The following RBFOX1 variants were observed in gnomAD, a reference collection of about 807,000 sequenced individuals.
RBFOX1 encodes RNA binding protein fox-1 homolog 1.
RBFOX1 carries 8 observed loss-of-function variants against 57.7 expected under a neutral mutation model. The observed-to-expected ratio is 0.14, with a 90% CI of 0.08 to 0.25. The LOEUF is 0.25. RBFOX1 is among the 10% of genes least tolerant of loss of function. The pLI is 1.00. For missense variants in RBFOX1, 611 were observed against 548.5 expected (o/e 1.11, Z -1.14); for synonymous variants, 326 against 222.4 (o/e 1.47, Z -4.15).
chr16:7,230,982 C>T (rs1026791256), intron 4 of RBFOX1, among the ~76,000 whole-genome samples: 1 of 152,032 alleles, frequency 6.6e-6, no homozygotes, highest in Non-Finnish European at 1.5e-5. Flanking sequence ...GGTCTGAGTC[C>T]CAGAATTCAC....
chr16:5,875,975 C>A (rs1199559533), intron 4 of RBFOX1, among the ~76,000 whole-genome samples: 5 of 151,910 alleles, frequency 3.3e-5, no homozygotes, highest in African/African-American at 1.2e-4. Context: ...TCCCGAGTAG[C>A]TGGGACTACA....
chr16:7,408,073 C>T (rs1568692085), intron 4 of RBFOX1, among the ~76,000 whole-genome samples: 1 of 152,168 alleles, frequency 6.6e-6, no homozygotes, highest in Non-Finnish European at 1.5e-5. Context: ...CTGGCAAGCT[C>T]CCTTAGGGAG....
intron 1 of RBFOX1, among the ~76,000 whole-genome samples, chr16:5,375,378 G>A (rs1223360928): frequency 6.6e-6 from 1 of 152,214 alleles, no homozygotes; most frequent in Non-Finnish European, 1.5e-5. Context: ...CTGCAGCCAA[G>A]GGGCATGGAG....
intron 2 of RBFOX1, among the ~76,000 whole-genome samples, chr16:6,443,287 C>G (rs2094422944): frequency 6.6e-6 from 1 of 152,136 alleles, no homozygotes; most frequent in South Asian, 2.1e-4. Flanking sequence ...TGCGTGCTAT[C>G]TCTCACGTTC....
At chr16:6,364,327 C>T (rs1034609833) in intron 2 of RBFOX1, among the ~76,000 whole-genome samples, 2 of 152,184 alleles carry the variant, frequency 1.3e-5, no homozygotes, top group Admixed American at 6.5e-5. Context: ...TGCATTTTCC[C>T]TCTCTTCTTC....
chr16:6,574,741 A>C (rs1443898321), intron 2 of RBFOX1, among the ~76,000 whole-genome samples: 1 of 145,674 alleles, frequency 6.9e-6, no homozygotes, highest in Non-Finnish European at 1.5e-5. Flanking sequence ...TCTTCTATTA[A>C]GAACCAGCAA....
intron 3 of RBFOX1, among the ~76,000 whole-genome samples, chr16:6,661,658 T>C (rs1445112601): frequency 1.3e-5 from 2 of 152,136 alleles, no homozygotes; most frequent in East Asian, 1.9e-4. Context: ...AGACTGGCCC[T>C]GGGTGAATGC....
intron 4 of RBFOX1, among the ~76,000 whole-genome samples, chr16:7,461,902 C>T (rs944690395): frequency 6.6e-6 from 1 of 152,206 alleles, no homozygotes; most frequent in East Asian, 1.9e-4. Flanking sequence ...TTGGTACCCA[C>T]TCCAGAGAGA....
intron 3 of RBFOX1, among the ~76,000 whole-genome samples, chr16:6,695,344 A>T (rs1257181688): frequency 6.9e-6 from 1 of 145,400 alleles, no homozygotes; most frequent in Admixed American, 7.1e-5. Flanking sequence ...TGAACCCAAC[A>T]GGTAGAGGTT....
At chr16:6,720,624 G>C (rs891173687) in intron 3 of RBFOX1, among the ~76,000 whole-genome samples, 1 of 152,084 alleles carries the variant, frequency 6.6e-6, no homozygotes, top group Non-Finnish European at 1.5e-5. Flanking sequence ...GAGAATAGTT[G>C]GGGAGAAAGA....
chr16:6,437,566 G>T (rs149516589), intron 2 of RBFOX1, among the ~76,000 whole-genome samples: 3 of 152,162 alleles, frequency 2.0e-5, no homozygotes, highest in Non-Finnish European at 4.4e-5. Context: ...GATGGTGTGT[G>T]TATTAGTCCA....
rs36117809 is a variant in RBFOX1 at position 6,981,042 on chromosome 16, C to CAAAAAAAAAAAAAAAAAAAAAAAAAAAAA, written c.-15-70998_-15-70997insAAAAAAAAAAAAAAAAAAAAAAAAAAAAA. Among the ~76,000 whole-genome samples, 33 of 77,414 alleles carry CAAAAAAAAAAAAAAAAAAAAAAAAAAAAA rather than the reference C, an allele frequency of 4.3e-4. 3 individuals carry two copies. The highest frequency in any genetic ancestry group is 2.1e-3 in the African/African-American group (26 of 12,664). 50.8% of individuals were successfully genotyped at this position (77,414 alleles called of 152,430 possible). ...TGGGTGGCAGAGCAAGTCTCAGTCT[C>CAAAAAAAAAAAAAAAAAAAAAAAAAAAAA]AAAAAAAAAAAAAAAAACACTAAAA... is the stretch of plus-strand genomic sequence containing the variant. On this transcript the variant is annotated intron_variant, in intron 3 of 15. Coordinates refer to ENST00000550418, the MANE Select transcript of RBFOX1 (RefSeq NM_018723.4).
intron 4 of RBFOX1, among the ~76,000 whole-genome samples, chr16:7,065,356 T>G (rs2055708083): frequency 6.6e-6 from 1 of 152,048 alleles, no homozygotes; most frequent in African/African-American, 2.4e-5. Flanking sequence ...ATGCCACCTT[T>G]CCCCTGATAC....
At chr16:6,830,317 T>G (rs936261656) in intron 3 of RBFOX1, among the ~76,000 whole-genome samples, 2 of 152,222 alleles carry the variant, frequency 1.3e-5, no homozygotes, top group African/African-American at 4.8e-5. Flanking sequence ...ACAGAACTAT[T>G]ATTCCTGGTT....
intron 4 of RBFOX1, among the ~76,000 whole-genome samples, chr16:7,175,129 C>G (rs562300356): frequency 6.6e-6 from 1 of 151,912 alleles, no homozygotes; most frequent in Admixed American, 6.6e-5. Context: ...GTTTGCTGCA[C>G]CTATCAACCC....
intron 3 of RBFOX1, among the ~76,000 whole-genome samples, chr16:6,824,960 ATTTCTTT>A (rs1308003826): frequency 1.8e-5 from 1 of 54,076 alleles, no homozygotes; most frequent in Non-Finnish European, 4.7e-5. Context: ...TACACTGAGG[ATTTCTTT>A]TTTCTTTCTT....
chr16:5,321,486 A>AT (rs1158726525), intron 1 of RBFOX1, among the ~76,000 whole-genome samples: 4 of 151,880 alleles, frequency 2.6e-5, no homozygotes, highest in Non-Finnish European at 5.9e-5. Flanking sequence ...TGCCTGGCTA[A>AT]TTTTTTTGTA....
chr16:5,368,461 A>G (rs1003743316), intron 1 of RBFOX1, among the ~76,000 whole-genome samples: 4 of 152,216 alleles, frequency 2.6e-5, no homozygotes, highest in African/African-American at 9.6e-5. Flanking sequence ...TAAGGAAAAT[A>G]GCCTACCTTT....
chr16:5,325,147 C>T (rs555613131), intron 1 of RBFOX1, among the ~76,000 whole-genome samples: 291 of 151,968 alleles, frequency 1.9e-3, no homozygotes, highest in Non-Finnish European at 3.5e-3. Flanking sequence ...CTCTACAACA[C>T]CTTCCCTTTC....
Sources: gnomAD v4.1 joint callset for allele counts (sites outside exome capture counted in the v4.1 genomes callset) on GRCh38, gnomAD v4.1.1 for gene constraint, MANE v1.5 for transcripts, NCBI Gene and HGNC (gene_info 2026-07-23, HGNC 2026-07-21) for gene names.